SOAT1: variants seen among roughly 807,000 people sequenced by gnomAD.
The protein encoded by SOAT1 is sterol O-acyltransferase 1.
A neutral mutation model predicts 69.5 loss-of-function variants in SOAT1; 55 were observed. That is an observed-to-expected ratio of 0.79 (90% confidence interval 0.64 to 0.99). SOAT1 has a LOEUF of 0.99. SOAT1 is among the 50% of genes least tolerant of loss of function. The pLI is 0.00. For synonymous variants in SOAT1, 231 were observed against 224.7 expected (o/e 1.03, Z -0.25); for missense variants, 580 against 669.3 (o/e 0.87, Z 1.47).
At chr1:179,328,501 G>T (rs527780243) in intron 3 of SOAT1, among the ~76,000 whole-genome samples, 1 of 152,270 alleles carries the variant, frequency 6.6e-6, no homozygotes, top group East Asian at 1.9e-4. Context: ...ATAAGACAGA[G>T]AATTGAATTT....
At position 179,357,456 on chromosome 1, in the gene SOAT1, C is replaced by T. The variant is rs1666944759; in HGVS notation, c.*3815C>T. ...GACCTCATGATCCGCCAGCCTCAGC[C>T]TCCCATAGTGCTGGGATTATAGGCA... On this transcript the variant is annotated 3_prime_UTR_variant, in exon 16 of 16. Coordinates refer to ENST00000367619, the MANE Select transcript of SOAT1 (RefSeq NM_003101.6). The T allele has an allele frequency of 3.3e-5, 5 of 152,256 alleles. No homozygotes were observed. Among genetic ancestry groups the T allele is most frequent in the Admixed American group, 3.3e-4 (5 of 15,282 alleles). The allele number at this position is 152,256 out of a possible 1,614,324, so 9.4% of individuals were successfully genotyped here.
intron 12 of SOAT1, 107 bp from the exon 13 acceptor site, chr1:179,348,736 CA>C: frequency 1.5e-6 from 1 of 676,974 alleles, no homozygotes; most frequent in Non-Finnish European, 2.6e-6. Flanking sequence ...TTTGGGAAGT[CA>C]GGGGGGTTTG....
chr1:179,296,028 T>G (rs1196381530), intron 1 of SOAT1, among the ~76,000 whole-genome samples: 2 of 134,174 alleles, frequency 1.5e-5, no homozygotes, highest in Non-Finnish European at 3.1e-5. Flanking sequence ...ATCTTACTGG[T>G]CAGGCTGGTC....
At chr1:179,353,223 A>AAATATATATATATTTATATATT (rs1558061830) in intron 15 of SOAT1, among the ~76,000 whole-genome samples, 1 of 124,914 alleles carries the variant, frequency 8.0e-6, no homozygotes, top group African/African-American at 3.0e-5. Flanking sequence ...ATATATATAT[A>AAATATATATATATTTATATATT]TCTATTTGTC....
rs1666214873 is a variant in SOAT1, at chr1:179,337,951, T to C, written c.389+55T>C. On this transcript the variant is annotated intron_variant, in intron 5 of 15. Transcript: ENST00000367619. ...TTTGATTTTTAAAAAACTATTCTGA[T>C]AGAATCATTGCTTAGTATATGGACA... 1.8e-5 allele frequency: 23 copies of C among 1,272,600 alleles called. No individual in the cohort carries two copies. The South Asian group carries it at 3.0e-4, about 17-fold the overall frequency. The allele number at this position is 1,272,600 out of a possible 1,614,324, so 78.8% of individuals were successfully genotyped here. A position where few individuals can be genotyped will look rare whatever the true frequency, so the allele number is the denominator to read the frequency against.
At chr1:179,297,552 G>A (rs1345330710) in intron 1 of SOAT1, among the ~76,000 whole-genome samples, 1 of 151,824 alleles carries the variant, frequency 6.6e-6, no homozygotes, top group African/African-American at 2.4e-5. Context: ...GGCCAGGCCA[G>A]TCTAGAATTC....
chr1:179,351,021 C>CTTTTTTTTTTTTTTTTTTTTTT (rs201449849), intron 14 of SOAT1, among the ~76,000 whole-genome samples: 2 of 127,552 alleles, frequency 1.6e-5, no homozygotes, highest in African/African-American at 2.9e-5. Flanking sequence ...ATATTTCTTT[C>CTTTTTTTTTTTTTTTTTTTTTT]TTTTTTTTTT....
At chr1:179,308,131 T>G (rs1011396266) in intron 2 of SOAT1, among the ~76,000 whole-genome samples, 1 of 152,190 alleles carries the variant, frequency 6.6e-6, no homozygotes, top group Non-Finnish European at 1.5e-5. Context: ...TCCACTCTTC[T>G]GTCCCAGTTC....
chr1:179,341,460 A>G, intron 7 of SOAT1, 150 bp downstream of exon 7: 1 of 767,374 alleles, frequency 1.3e-6, no homozygotes, highest in Non-Finnish European at 2.1e-6. Flanking sequence ...AAATTGTTAA[A>G]CTAGAATCAT....
Position 179,332,003 on chromosome 1 carries a change from C to CT in SOAT1, c.178-3494dup, listed in dbSNP as rs149560878. Among the ~76,000 whole-genome samples, 15 of 151,290 alleles carry CT rather than the reference C, an allele frequency of 9.9e-5. No homozygotes were observed. The South Asian group carries it at 1.0e-3, about 11-fold the overall frequency. ...GAAGAAATTGTGATCAAGGGACCTA[C>CT]TTTTTTTTTGAGACACTGAAAATAT... On this transcript the variant is annotated intron_variant, in intron 3 of 15. Transcript: ENST00000367619.
intron 1 of SOAT1, among the ~76,000 whole-genome samples, chr1:179,297,081 C>T (rs1191289372): frequency 6.6e-6 from 1 of 152,150 alleles, no homozygotes; most frequent in Non-Finnish European, 1.5e-5. Flanking sequence ...TCTCCTGCAT[C>T]TTTAAAAATG....
At chr1:179,352,223 A>AC (rs1180582370) in intron 15 of SOAT1, among the ~76,000 whole-genome samples, 1 of 150,118 alleles carries the variant, frequency 6.7e-6, no homozygotes, top group Non-Finnish European at 1.5e-5. Flanking sequence ...TTTTAGCTAT[A>AC]CATGGGTACA....
At chr1:179,335,377 T>C in intron 3 of SOAT1, 129 bp from the exon 4 acceptor site, 1 of 760,100 alleles carries the variant, frequency 1.3e-6, no homozygotes, top group Non-Finnish European at 2.1e-6. Flanking sequence ...GATTTTTTGC[T>C]TTTACTCCTG....
At chr1:179,328,419 G>C (rs551468279) in intron 3 of SOAT1, among the ~76,000 whole-genome samples, 1 of 152,300 alleles carries the variant, frequency 6.6e-6, no homozygotes, top group South Asian at 2.1e-4. Flanking sequence ...GAAGAGTTTA[G>C]ATACTTTAGA....
At chr1:179,342,073 A>C in intron 7 of SOAT1, 41 bp from the exon 8 acceptor site, 1 of 1,611,906 alleles carries the variant, frequency 6.2e-7, no homozygotes, top group South Asian at 1.1e-5. Context: ...CTTGCAGGAG[A>C]CTTTCTTTGA....
At position 179,353,730 on chromosome 1, in the gene SOAT1, C is replaced by T; in HGVS notation, c.*89C>T. On this transcript the variant is annotated 3_prime_UTR_variant, in exon 16 of 16. Transcript: ENST00000367619. ...TGTTTCCAGTTGTTACTGAAGTTATCTGTGTTATTTGGACCACTCCAGGCT... is the reference window on the plus strand; with the variant it reads ...TGTTTCCAGTTGTTACTGAAGTTATTTGTGTTATTTGGACCACTCCAGGCT... The T allele has an allele frequency of 8.6e-7, 1 of 1,157,174 alleles. No homozygotes were observed. Among genetic ancestry groups the T allele is most frequent in the Non-Finnish European group, 1.3e-6 (1 of 772,068 alleles). The allele number at this position is 1,157,174 out of a possible 1,614,324, so 71.7% of individuals were successfully genotyped here. A position where few individuals can be genotyped will look rare whatever the true frequency, so the allele number is the denominator to read the frequency against.
At chr1:179,318,532 G>C (rs12404921) in intron 2 of SOAT1, among the ~76,000 whole-genome samples, 31,675 of 152,108 alleles carry the variant, frequency 0.21, 4,133 homozygotes, top group East Asian at 0.33. Flanking sequence ...TTTCAGAACA[G>C]AGAAATTAGA....
rs886743220 is a variant in SOAT1 at position 179,357,953 on chromosome 1, A to G, written c.*4312A>G. 1 of 152,152 alleles carries G rather than the reference A, an allele frequency of 6.6e-6. No individual in the cohort carries two copies. The highest frequency in any genetic ancestry group is 1.5e-5 in the Non-Finnish European group (1 of 68,044). 9.4% of individuals were successfully genotyped at this position (152,152 alleles called of 1,614,324 possible). On this transcript the variant is annotated 3_prime_UTR_variant, in exon 16 of 16. Coordinates refer to ENST00000367619, the MANE Select transcript of SOAT1 (RefSeq NM_003101.6). ...CCCTGTCTCAAAAAAAAAATTACAT[A>G]TAAGCCCGGTTTAAAGAGAGGATAA...
At chr1:179,314,648 A>ACTCCTGGCTTCAAGTGACC in intron 2 of SOAT1, among the ~76,000 whole-genome samples, 1 of 151,926 alleles carries the variant, frequency 6.6e-6, no homozygotes, top group Non-Finnish European at 1.5e-5. Context: ...CTGGTCTCAA[A>ACTCCTGGCTTCAAGTGACC]CTCCTGGCTT....
Sources: gnomAD v4.1 joint callset for allele counts (sites outside exome capture counted in the v4.1 genomes callset) on GRCh38, gnomAD v4.1.1 for gene constraint, MANE v1.5 for transcripts, NCBI Gene and HGNC (gene_info 2026-07-23, HGNC 2026-07-21) for gene names.